Variants in RAI1 observed in about 807,000 individuals in gnomAD.
The protein encoded by RAI1 is retinoic acid-induced protein 1.
Under a neutral mutation model 123.8 loss-of-function variants are expected in RAI1, and 9 were observed. That is an observed-to-expected ratio of 0.07 (90% CI 0.04 to 0.13). RAI1 has a LOEUF of 0.13. Among genes scored for constraint, RAI1 ranks in the 10% least tolerant of loss-of-function variants. The probability of loss-of-function intolerance (pLI) is 1.00; values close to 1 mark genes in which losing one functional copy is unlikely to be tolerated. For synonymous variants in RAI1, 1,231 were observed against 1,127.3 expected, an observed-to-expected ratio of 1.09 and a Z score of -1.84; for missense variants, 2,256 against 2,545.8, an observed-to-expected ratio of 0.89 and a Z score of 2.45.
intron 1 of RAI1, among the ~76,000 whole-genome samples, chr17:17,694,824 G>T (rs12940727): frequency 6.6e-6 from 1 of 150,982 alleles, no homozygotes; most frequent in African/African-American, 2.4e-5. Flanking sequence ...TCGCGGGGCC[G>T]CGGGGCGGGG....
intron 1 of RAI1, among the ~76,000 whole-genome samples, chr17:17,707,864 G>A (rs575961454): frequency 6.6e-5 from 10 of 152,316 alleles, no homozygotes; most frequent in African/African-American, 2.4e-4. Context: ...AAAGTGCTGG[G>A]ATCATAGGTG....
intron 2 of RAI1, among the ~76,000 whole-genome samples, chr17:17,780,543 G>T (rs1376749471): frequency 6.6e-6 from 1 of 152,334 alleles, no homozygotes; most frequent in African/African-American, 2.4e-5. Flanking sequence ...GGACCAGGGA[G>T]GGCCCCCAGA....
At chr17:17,744,625 A>C (rs1361706255) in intron 2 of RAI1, among the ~76,000 whole-genome samples, 1 of 151,920 alleles carries the variant, frequency 6.6e-6, no homozygotes, top group African/African-American at 2.4e-5. Context: ...ACCCTGTCTT[A>C]CTAAAAATAC....
At chr17:17,784,013 C>T (rs549983439) in intron 2 of RAI1, among the ~76,000 whole-genome samples, 107 of 152,310 alleles carry the variant, frequency 7.0e-4, no homozygotes, top group African/African-American at 1.7e-3. Flanking sequence ...CTCTTCCAAT[C>T]CCCCTCCCTC....
intron 1 of RAI1, among the ~76,000 whole-genome samples, chr17:17,695,401 G>T (rs149956304): frequency 6.6e-6 from 1 of 152,214 alleles, no homozygotes; most frequent in Non-Finnish European, 1.5e-5. Context: ...CGGGCACCCC[G>T]CCTGCCCTGG....
At chr17:17,787,192 C>T (rs968872949) in intron 2 of RAI1, among the ~76,000 whole-genome samples, 7 of 152,286 alleles carry the variant, frequency 4.6e-5, no homozygotes, top group East Asian at 3.9e-4. Flanking sequence ...CCCATCTGAC[C>T]CCTGTGCCAG....
At chr17:17,765,127 C>T (rs1023557339) in intron 2 of RAI1, among the ~76,000 whole-genome samples, 1 of 152,240 alleles carries the variant, frequency 6.6e-6, no homozygotes, top group African/African-American at 2.4e-5. Context: ...CATAGCAAGA[C>T]CTCATCTCTC....
chr17:17,688,412 G>C (rs925139759), intron 1 of RAI1, among the ~76,000 whole-genome samples: 5 of 151,962 alleles, frequency 3.3e-5, no homozygotes, highest in Non-Finnish European at 5.9e-5. Context: ...TGAACCCCGG[G>C]GGGTGGAAGT....
rs2032208281 is a variant in RAI1, at chr17:17,795,629, A to G, written c.2681A>G (p.Lys894Arg). 1.9e-6 allele frequency: 3 copies of G among 1,613,128 alleles called. No individual in the cohort carries two copies. The highest frequency in any genetic ancestry group is 1.3e-5 in the African/African-American group (1 of 74,924). The change falls in exon 3 of 6, where the codon AAG becomes AGG. Residue 894 changes from lysine (K) to arginine (R), a missense_variant. Lys to Arg is a conservative substitution (Grantham distance 26). Around this residue, in one of 7 missense-constraint regions of RAI1, gnomAD observed 566 missense variants for 616.0 expected, o/e 0.92. Coordinates refer to ENST00000353383, the MANE Select transcript of RAI1 (RefSeq NM_030665.4). The surrounding 1 kb of genome is among the most constrained non-coding windows in gnomAD (Gnocchi z 5.9). The stretch of plus-strand genomic sequence containing the variant: ...GGCATGCAGGACCCGCTGTCACCCA[A>G]GGCCCCACTCATCTGCACCAAGGAG... ...RPGMQDPLSP[K>R]APLICTKEEV...
chr17:17,752,868 A>G (rs1300629934), intron 2 of RAI1, among the ~76,000 whole-genome samples: 1 of 151,178 alleles, frequency 6.6e-6, no homozygotes, highest in Non-Finnish European at 1.5e-5. Context: ...CTTTTTGTGC[A>G]CTCTCCGCCC....
rs1454437658 is a variant in RAI1, at chr17:17,810,033, C to A, written c.*52C>A. On this transcript the variant is annotated 3_prime_UTR_variant, in exon 6 of 6. Transcript: ENST00000353383. The surrounding 1 kb of genome is among the most constrained non-coding windows in gnomAD (Gnocchi z 4.6). ...CGCCGGAGCCCGCCTGCCCGCCCGC[C>A]GCCGAAGGAGAGGAGCCGCCTGCGC... 4 of 1,542,710 alleles carry A rather than the reference C, an allele frequency of 2.6e-6. No homozygotes were observed. The highest frequency in any genetic ancestry group is 3.5e-6 in the Non-Finnish European group (4 of 1,144,456).
At chr17:17,709,387 C>T (rs1915493831) in intron 1 of RAI1, among the ~76,000 whole-genome samples, 1 of 152,110 alleles carries the variant, frequency 6.6e-6, no homozygotes, top group Non-Finnish European at 1.5e-5. Context: ...TCAGAAAAGC[C>T]CTTTGCTGGC....
chr17:17,702,932 C>T (rs1203063364), intron 1 of RAI1, among the ~76,000 whole-genome samples: 3 of 152,238 alleles, frequency 2.0e-5, no homozygotes, highest in African/African-American at 4.8e-5. Flanking sequence ...AGCTGTGCGG[C>T]ATCAGTAATG....
chr17:17,739,022 A>G (rs1025630089), intron 2 of RAI1, among the ~76,000 whole-genome samples: 1 of 152,208 alleles, frequency 6.6e-6, no homozygotes, highest in Non-Finnish European at 1.5e-5. Context: ...AATTTCTGTC[A>G]GTGGGAACAG....
chr17:17,773,145 T>C (rs894673231), intron 2 of RAI1, among the ~76,000 whole-genome samples: 16 of 151,940 alleles, frequency 1.1e-4, no homozygotes, highest in Non-Finnish European at 2.2e-4. Flanking sequence ...TGTGGGTGGA[T>C]GGAGAGGCCA....
chr17:17,684,929 C>T (rs1914580194), intron 1 of RAI1: 1 of 152,102 alleles, frequency 6.6e-6, no homozygotes, highest in African/African-American at 2.4e-5. Context: ...TCAGTGTCCC[C>T]ATCTTTACAA....
Position 17,793,849 on chromosome 17 carries a change from G to C in RAI1, c.901G>C (p.Glu301Gln). ...CCTTCAGAGCCGGCACCATGCCCAG[G>C]AAACCCTCCATTACCAAAACCTCGC... ...QALQSRHHAQ[E>Q]TLHYQNLAKY... Residue 301 changes from glutamate (E) to glutamine (Q), a missense_variant, in exon 3 of 6, where the codon GAA becomes CAA. Physicochemically the swap from Glu to Gln is conservative, Grantham distance 29. Around this residue, in one of 7 missense-constraint regions of RAI1, gnomAD observed 357 missense variants for 480.2 expected, o/e 0.74. Coordinates refer to ENST00000353383, the MANE Select transcript of RAI1 (RefSeq NM_030665.4). 1 of 1,613,270 alleles carries C rather than the reference G, an allele frequency of 6.2e-7. No homozygotes were observed. Among genetic ancestry groups the C allele is most frequent in the Non-Finnish European group, 8.5e-7 (1 of 1,180,008 alleles).
chr17:17,712,765 G>A (rs1228098087), intron 1 of RAI1, among the ~76,000 whole-genome samples: 1 of 152,200 alleles, frequency 6.6e-6, no homozygotes, highest in African/African-American at 2.4e-5. Context: ...TCTCCATGGT[G>A]TAAACAGTAA....
intron 2 of RAI1, among the ~76,000 whole-genome samples, chr17:17,736,918 G>GT (rs1421324907): frequency 6.6e-6 from 1 of 152,158 alleles, no homozygotes; most frequent in Non-Finnish European, 1.5e-5. Context: ...TGAAGATGAG[G>GT]TATTTTTGGA....
Sources: allele counts gnomAD v4.1 joint callset (sites outside exome capture counted in the v4.1 genomes callset), GRCh38; gene constraint gnomAD v4.1.1; regional missense constraint gnomAD v4.1.1; non-coding constraint Gnocchi (gnomAD v3.1); transcripts MANE v1.5; gene names NCBI Gene and HGNC (gene_info 2026-07-23, HGNC 2026-07-21).